The following CSMD1 variants were observed in gnomAD, a reference collection of about 807,000 sequenced individuals.
CSMD1 encodes CUB and sushi domain-containing protein 1.
In CSMD1, 213 loss-of-function variants were observed where a neutral mutation model predicts 417.5. The ratio of observed to expected loss-of-function variants is 0.51; its 90% CI spans 0.46 to 0.57. CSMD1 has a LOEUF of 0.57. Among genes scored for constraint, CSMD1 ranks in the 20% least tolerant of loss-of-function variants. The pLI is 0.00. For missense variants in CSMD1, 6,923 were observed against 4,529.7 expected, an observed-to-expected ratio of 1.53 and a Z score of -15.17; for synonymous variants, 2,862 against 1,736.8, an observed-to-expected ratio of 1.65 and a Z score of -16.11.
rs151233348 is a variant in CSMD1 at position 3,702,559 on chromosome 8, G to A, written c.1009+5855C>T. On this transcript the variant is annotated intron_variant, in intron 7 of 69. Coordinates refer to ENST00000635120, the MANE Select transcript of CSMD1 (RefSeq NM_033225.6). ...AAAAAATAGAGTGCTGGCCAGGTGC[G>A]GTGGCTCATGCCTGTAATCCCAGCA... Among the ~76,000 whole-genome samples the A allele has an allele frequency of 6.8e-3, 1,037 of 152,298 alleles. 5 individuals are homozygous for A. Among genetic ancestry groups the A allele is most frequent in the Non-Finnish European group, 0.011 (778 of 68,022 alleles).
At chr8:3,731,116 G>C (rs1796226881) in intron 6 of CSMD1, among the ~76,000 whole-genome samples, 1 of 152,092 alleles carries the variant, frequency 6.6e-6, no homozygotes, top group Non-Finnish European at 1.5e-5. Context: ...GCACACCCCA[G>C]AACATAAATC....
intron 3 of CSMD1, among the ~76,000 whole-genome samples, chr8:4,129,480 A>T (rs1245424638): frequency 6.6e-6 from 1 of 152,166 alleles, no homozygotes; most frequent in African/African-American, 2.4e-5. Context: ...GAAGTTTTGT[A>T]TTGTGAAAAA....
At chr8:3,169,453 A>G (rs548389852) in intron 37 of CSMD1, among the ~76,000 whole-genome samples, 8 of 152,296 alleles carry the variant, frequency 5.3e-5, no homozygotes, top group South Asian at 2.1e-4. Flanking sequence ...CCACTCATAT[A>G]AACTATCTCT....
At chr8:3,466,966 G>A (rs1816823607) in intron 12 of CSMD1, among the ~76,000 whole-genome samples, 1 of 151,674 alleles carries the variant, frequency 6.6e-6, no homozygotes. Context: ...TTTGCCTTTG[G>A]ACTATTCTTT....
At chr8:4,836,490 A>G (rs1800500857) in intron 1 of CSMD1, among the ~76,000 whole-genome samples, 2 of 152,222 alleles carry the variant, frequency 1.3e-5, no homozygotes, top group African/African-American at 4.8e-5. Context: ...AATACGGCAG[A>G]CAGCTAACAT....
At position 3,392,059 on chromosome 8, in the gene CSMD1, G is replaced by A. The variant is rs572309946; in HGVS notation, c.2593+4135C>T. Among the ~76,000 whole-genome samples the A allele has an allele frequency of 8.6e-5, 12 of 140,092 alleles. No homozygotes were observed. The East Asian group carries it at 2.5e-3, about 29-fold the overall frequency. 91.9% of individuals were successfully genotyped at this position (140,092 alleles called of 152,430 possible). A position where few individuals can be genotyped will look rare whatever the true frequency, so the allele number is the denominator to read the frequency against. On this transcript the variant is annotated intron_variant, in intron 17 of 69. Transcript: ENST00000635120. ...CTCATAGGTGGGAATTGAACAATGA[G>A]AACAAATGGATCCAGGAAGGGGAAC...
intron 1 of CSMD1, among the ~76,000 whole-genome samples, chr8:4,972,848 A>T (rs1810325649): frequency 6.6e-6 from 1 of 152,146 alleles, no homozygotes; most frequent in South Asian, 2.1e-4. Flanking sequence ...AGTATCTGGA[A>T]TGAAGTGAAA....
intron 23 of CSMD1, among the ~76,000 whole-genome samples, chr8:3,330,338 C>T (rs1806811098): frequency 6.6e-6 from 1 of 152,150 alleles, no homozygotes; most frequent in Non-Finnish European, 1.5e-5. Flanking sequence ...AAGACAAAGA[C>T]TCAATCTAAG....
At chr8:4,906,340 A>G (rs955642401) in intron 1 of CSMD1, among the ~76,000 whole-genome samples, 5 of 152,314 alleles carry the variant, frequency 3.3e-5, no homozygotes, top group Middle Eastern at 6.8e-3. Flanking sequence ...TTTTCCTTTA[A>G]AACACATTCT....
chr8:3,089,267 G>A (rs80026697), intron 48 of CSMD1, among the ~76,000 whole-genome samples: 32,053 of 152,160 alleles, frequency 0.21, 3,702 homozygotes, highest in East Asian at 0.32. Flanking sequence ...ACTGGGACAG[G>A]TGGATATTCT....
chr8:4,457,236 C>G (rs866574138), intron 2 of CSMD1, among the ~76,000 whole-genome samples: 1 of 152,122 alleles, frequency 6.6e-6, no homozygotes. Context: ...CTTTCCCATT[C>G]TCAACCAAGT....
intron 1 of CSMD1, among the ~76,000 whole-genome samples, chr8:4,984,105 T>C (rs1170543081): frequency 6.6e-6 from 1 of 152,202 alleles, no homozygotes; most frequent in Non-Finnish European, 1.5e-5. Context: ...GAAAACAAGA[T>C]ACATGGCCAG....
intron 1 of CSMD1, among the ~76,000 whole-genome samples, chr8:4,965,784 A>G (rs949498584): frequency 5.3e-5 from 8 of 152,196 alleles, no homozygotes; most frequent in African/African-American, 1.9e-4. Context: ...CCAGAATTCA[A>G]TCTAATTTTA....
chr8:3,161,444 C>A (rs914505679), intron 38 of CSMD1, among the ~76,000 whole-genome samples: 8 of 151,840 alleles, frequency 5.3e-5, no homozygotes, highest in African/African-American at 1.9e-4. Flanking sequence ...TGGTGAAACC[C>A]CATCTCTACT....
chr8:4,036,166 G>A (rs928352934), intron 3 of CSMD1, among the ~76,000 whole-genome samples: 4 of 152,186 alleles, frequency 2.6e-5, no homozygotes, highest in Non-Finnish European at 2.9e-5. Context: ...TTGGGTTTGT[G>A]TAAGTGTGCT....
At chr8:3,588,561 G>A (rs1021790613) in intron 8 of CSMD1, among the ~76,000 whole-genome samples, 7 of 152,132 alleles carry the variant, frequency 4.6e-5, no homozygotes, top group African/African-American at 1.2e-4. Flanking sequence ...CCTTAGTCAT[G>A]GAGGGCTCTC....
At chr8:3,541,505 C>T (rs918686965) in intron 10 of CSMD1, among the ~76,000 whole-genome samples, 1 of 151,498 alleles carries the variant, frequency 6.6e-6, no homozygotes, top group African/African-American at 2.4e-5. Flanking sequence ...ATCTGCACCT[C>T]CTGCACATCT....
intron 10 of CSMD1, among the ~76,000 whole-genome samples, chr8:3,566,938 A>G (rs1165207393): frequency 6.6e-6 from 1 of 152,234 alleles, no homozygotes; most frequent in Non-Finnish European, 1.5e-5. Flanking sequence ...CATACCCAAA[A>G]GAATATAAAT....
chr8:4,367,138 G>T (rs1401318250), intron 3 of CSMD1, among the ~76,000 whole-genome samples: 1 of 152,076 alleles, frequency 6.6e-6, no homozygotes, highest in East Asian at 1.9e-4. Flanking sequence ...GTTCAGAATG[G>T]TATTTCTTAG....
Sources: allele counts gnomAD v4.1 joint callset (sites outside exome capture counted in the v4.1 genomes callset), GRCh38; gene constraint gnomAD v4.1.1; transcripts MANE v1.5; gene names NCBI Gene and HGNC (gene_info 2026-07-23, HGNC 2026-07-21).